Variants in TRAK1 observed in about 807,000 individuals in gnomAD.
The protein encoded by TRAK1 is trafficking kinesin protein 1.
In TRAK1, 33 loss-of-function variants were observed where a neutral mutation model predicts 92.1. The observed-to-expected ratio is 0.36, with a 90% CI of 0.27 to 0.48. The LOEUF is 0.48. Among genes scored for constraint, TRAK1 ranks in the 20% least tolerant of loss-of-function variants. The probability of loss-of-function intolerance (pLI) is 0.99; values close to 1 mark genes in which losing one functional copy is unlikely to be tolerated. For missense variants in TRAK1, 1,123 were observed against 1,257.9 expected, an observed-to-expected ratio of 0.89 and a Z score of 1.62; for synonymous variants, 521 against 517.3, an observed-to-expected ratio of 1.01 and a Z score of -0.10.
At chr3:42,178,491 G>A (rs867264514) in intron 3 of TRAK1, among the ~76,000 whole-genome samples, 3 of 152,062 alleles carry the variant, frequency 2.0e-5, no homozygotes, top group South Asian at 4.2e-4. Context: ...AGGGCCTGCC[G>A]GGGACCTTTG....
intron 1 of TRAK1, among the ~76,000 whole-genome samples, chr3:42,037,466 G>T (rs1702368162): frequency 6.6e-6 from 1 of 152,242 alleles, no homozygotes; most frequent in South Asian, 2.1e-4. Flanking sequence ...TCAATGGCAG[G>T]CAGGGTACTG....
At chr3:42,185,893 C>T (rs909555376) in intron 4 of TRAK1, among the ~76,000 whole-genome samples, 16 of 150,666 alleles carry the variant, frequency 1.1e-4, no homozygotes, top group African/African-American at 3.4e-4. Context: ...AGGTTGGTCT[C>T]GAACTCCTGA....
chr3:42,023,960 G>A (rs1701824921), intron 1 of TRAK1, among the ~76,000 whole-genome samples: 1 of 151,914 alleles, frequency 6.6e-6, no homozygotes, highest in African/African-American at 2.4e-5. Flanking sequence ...TCGCCATGTT[G>A]GCCAGGCTGG....
intron 1 of TRAK1, among the ~76,000 whole-genome samples, chr3:42,095,306 C>G (rs1192434992): frequency 6.6e-6 from 1 of 152,158 alleles, no homozygotes; most frequent in African/African-American, 2.4e-5. Flanking sequence ...GCAGCTTAAC[C>G]TCTTGTATAA....
At chr3:42,179,994 G>A (rs1248532169) in intron 3 of TRAK1, among the ~76,000 whole-genome samples, 3 of 151,926 alleles carry the variant, frequency 2.0e-5, no homozygotes, top group African/African-American at 7.3e-5. Flanking sequence ...CCCACCTTGG[G>A]CTCCCAAAGT....
At chr3:42,107,517 GAAAA>G (rs61327335) in intron 1 of TRAK1, among the ~76,000 whole-genome samples, 1 of 106,976 alleles carries the variant, frequency 9.3e-6, no homozygotes, top group Non-Finnish European at 2.1e-5. Flanking sequence ...TTTCAAAAAA[GAAAA>G]AAAAAAAAAA....
At chr3:42,167,088 C>T (rs1559862780) in intron 2 of TRAK1, among the ~76,000 whole-genome samples, 1 of 152,198 alleles carries the variant, frequency 6.6e-6, no homozygotes, top group Admixed American at 6.5e-5. Context: ...ACTGCTCCTC[C>T]CAAGTAAGAG....
chr3:42,099,061 G>T (rs1188945821), intron 1 of TRAK1, among the ~76,000 whole-genome samples: 5 of 151,752 alleles, frequency 3.3e-5, no homozygotes, highest in African/African-American at 1.2e-4. Context: ...CAGGGAGGGG[G>T]TATCTAAATT....
intron 1 of TRAK1, among the ~76,000 whole-genome samples, chr3:42,105,400 A>G (rs918799322): frequency 3.3e-5 from 5 of 152,256 alleles, no homozygotes; most frequent in Admixed American, 1.3e-4. Flanking sequence ...GATTTGATCA[A>G]CTGGAAGAAA....
rs187634874 is a variant in TRAK1, at chr3:42,127,600, A to G, written c.286+1986A>G. 3.0e-4 allele frequency among the ~76,000 whole-genome samples: 45 copies of G among 152,106 alleles called. 1 individual carries two copies. The highest frequency in any genetic ancestry group is 1.7e-3 in the Admixed American group (26 of 15,274). On this transcript the variant is annotated intron_variant, in intron 2 of 15. Transcript: ENST00000327628. The stretch of plus-strand genomic sequence containing the variant: ...GGTGTCAAACTCCAGGCCTCAAACA[A>G]TCCTCCTGCTTCAGCCTCCCAAAGT...
At chr3:42,031,626 T>G (rs533229867) in intron 1 of TRAK1, among the ~76,000 whole-genome samples, 2 of 30,192 alleles carry the variant, frequency 6.6e-5, no homozygotes, top group African/African-American at 8.8e-5. Flanking sequence ...GAGCGAGACC[T>G]TGTCTCAAAA....
At chr3:42,124,005 G>C (rs1201587516) in intron 1 of TRAK1, among the ~76,000 whole-genome samples, 1 of 152,004 alleles carries the variant, frequency 6.6e-6, no homozygotes, top group Non-Finnish European at 1.5e-5. Context: ...GGGTTTGATG[G>C]TGCACATCAG....
At chr3:42,034,306 AT>A (rs1342073930) in intron 1 of TRAK1, among the ~76,000 whole-genome samples, 9 of 152,136 alleles carry the variant, frequency 5.9e-5, no homozygotes, top group Non-Finnish European at 8.8e-5. Context: ...TTTTTAAAAA[AT>A]TTGAGACAGA....
intron 1 of TRAK1, among the ~76,000 whole-genome samples, chr3:42,119,623 C>T (rs1385572111): frequency 6.6e-6 from 1 of 152,182 alleles, no homozygotes; most frequent in East Asian, 1.9e-4. Flanking sequence ...CTGGGCATTG[C>T]CTTTACTAAT....
intron 2 of TRAK1, among the ~76,000 whole-genome samples, chr3:42,143,351 T>G (rs1399946939): frequency 2.0e-5 from 3 of 151,082 alleles, no homozygotes; most frequent in Admixed American, 6.6e-5. Context: ...AAATAATCCT[T>G]GGATGCTTTT....
intron 1 of TRAK1, among the ~76,000 whole-genome samples, chr3:42,062,147 C>G (rs1703473448): frequency 6.6e-6 from 1 of 152,174 alleles, no homozygotes; most frequent in South Asian, 2.1e-4. Flanking sequence ...AAGTCACTCA[C>G]CTTCTAACAT....
intron 1 of TRAK1, among the ~76,000 whole-genome samples, chr3:42,040,661 T>A (rs368414166): frequency 6.6e-6 from 1 of 151,664 alleles, no homozygotes; most frequent in South Asian, 2.1e-4. Context: ...GATCTGTATA[T>A]CCTATGCCAG....
In TRAK1 at chr3:42,194,797, C is replaced by G; in HGVS notation, c.976-7C>G. 1 of 1,613,056 alleles carries G rather than the reference C, an allele frequency of 6.2e-7. No individual in the cohort carries two copies. Among genetic ancestry groups the G allele is most frequent in the Non-Finnish European group, 8.5e-7 (1 of 1,179,540 alleles). On this transcript the variant is annotated splice_region_variant and splice_polypyrimidine_tract_variant and intron_variant, in intron 9 of 15. Transcript: ENST00000327628. ...ATCCTGACCCTCTGTGTCTTTCCTG[C>G]CTGCAGCTGCGTGAGCTGGAGGACA...
chr3:42,085,111 G>A (rs1704610474), upstream of TRAK1, among the ~76,000 whole-genome samples: 1 of 152,006 alleles, frequency 6.6e-6, no homozygotes, highest in Non-Finnish European at 1.5e-5. Context: ...CAGATTTTTG[G>A]ATTTTGGACA....
Sources: gnomAD v4.1 joint callset for allele counts (sites outside exome capture counted in the v4.1 genomes callset) on GRCh38, gnomAD v4.1.1 for gene constraint, MANE v1.5 for transcripts, NCBI Gene and HGNC (gene_info 2026-07-23, HGNC 2026-07-21) for gene names.